The following KIFC3 variants were observed in gnomAD, a reference collection of about 807,000 sequenced individuals.
The protein encoded by KIFC3 is kinesin-like protein KIFC3.
In KIFC3, 60 loss-of-function variants were observed where a neutral mutation model predicts 101.8. That is an observed-to-expected ratio of 0.59 (90% CI 0.48 to 0.73). The LOEUF (loss-of-function observed/expected upper bound fraction) is 0.73. KIFC3 is among the 30% of genes least tolerant of loss of function. The pLI is 0.00. For synonymous variants in KIFC3, 476 were observed against 482.7 expected (o/e 0.99, Z 0.18); for missense variants, 966 against 1,137.1 (o/e 0.85, Z 2.16).
At chr16:57,759,380 GGGAGGGGGCTGCAGGGGCTGCTCT>G (rs1371623807) in intron 18 of KIFC3, 5 of 608,972 alleles carry the variant, frequency 8.2e-6, no homozygotes, top group Admixed American at 3.0e-5. Flanking sequence ...CTGAGGCACA[GGGAGGGGGCTGCAGGGGCTGCTCT>G]GGAGGGGGCT....
At position 57,758,735 on chromosome 16, in the gene KIFC3, C is replaced by A; in HGVS notation, c.*199G>T. ...CACTCAGAGCCACAGCCGAGAGACA[C>A]CGTTTCCTTCTGAACATGTTTCTCA... On this transcript the variant is annotated 3_prime_UTR_variant, in exon 20 of 20. Coordinates refer to ENST00000445690, the MANE Select transcript of KIFC3 (RefSeq NM_001130100.2). The A allele has an allele frequency of 1.1e-6, 1 of 891,612 alleles. No individual in the cohort carries two copies. The highest frequency in any genetic ancestry group is 1.3e-5 in the South Asian group (1 of 74,144). 55.2% of individuals were successfully genotyped at this position (891,612 alleles called of 1,614,324 possible). A position where few individuals can be genotyped will look rare whatever the true frequency, so the allele number is the denominator to read the frequency against.
intron 3 of KIFC3, among the ~76,000 whole-genome samples, chr16:57,794,268 T>C (rs868908644): frequency 3.3e-5 from 5 of 151,930 alleles, no homozygotes; most frequent in Middle Eastern, 6.8e-3. Flanking sequence ...GGTCTCACTC[T>C]GTCACGCAGG....
intron 3 of KIFC3, among the ~76,000 whole-genome samples, chr16:57,781,371 C>G (rs1404626468): frequency 6.6e-6 from 1 of 152,198 alleles, no homozygotes; most frequent in East Asian, 1.9e-4. Context: ...TTGGGAACTT[C>G]AGGAACCTTG....
intron 1 of KIFC3, among the ~76,000 whole-genome samples, chr16:57,843,967 GC>G (rs1443328409): frequency 6.6e-6 from 1 of 151,962 alleles, no homozygotes; most frequent in African/African-American, 2.4e-5. Flanking sequence ...AATTAGTTGG[GC>G]ATGGTGGTGC....
intron 1 of KIFC3, among the ~76,000 whole-genome samples, chr16:57,823,655 C>T (rs2911348): frequency 0.5 from 75,908 of 151,920 alleles, 20,299 homozygotes; most frequent in African/African-American, 0.68. Context: ...TGCAGTGGTG[C>T]GGTCTTGGCT....
At chr16:57,823,761 TTGTGTGTGTGTG>T (rs542476459) in intron 1 of KIFC3, among the ~76,000 whole-genome samples, 10,041 of 136,686 alleles carry the variant, frequency 0.073, 528 homozygotes, top group South Asian at 0.13. Context: ...CCCGGCTACT[TTGTGTGTGTGTG>T]TGTGTGTGTG....
intron 3 of KIFC3, chr16:57,788,644 G>A: frequency 7.8e-7 from 1 of 1,289,630 alleles, no homozygotes; most frequent in Non-Finnish European, 1.0e-6. Flanking sequence ...GCCGGCGCCT[G>A]TCTCTTCCAA....
chr16:57,780,129 T>C lies in KIFC3; in HGVS notation c.316-7841A>G, dbSNP rs546395199. 5.3e-5 allele frequency among the ~76,000 whole-genome samples: 8 copies of C among 152,280 alleles called. No homozygotes were observed. The South Asian group carries it at 1.7e-3, about 32-fold the overall frequency. On this transcript the variant is annotated intron_variant, in intron 3 of 19. Coordinates refer to ENST00000445690, the MANE Select transcript of KIFC3 (RefSeq NM_001130100.2). Reference sequence around the variant, plus strand: ...TGGGGATTACAATTCGAGATGAAATTTGGGTGGGGACACAGAGCCAAACTG... The same window carrying C: ...TGGGGATTACAATTCGAGATGAAATCTGGGTGGGGACACAGAGCCAAACTG...
chr16:57,800,941 G>C (rs1431185199), intron 1 of KIFC3, among the ~76,000 whole-genome samples: 2 of 152,146 alleles, frequency 1.3e-5, no homozygotes, highest in Non-Finnish European at 2.9e-5. Context: ...CTGTTTACTA[G>C]ATGTCTGACC....
In KIFC3 at chr16:57,836,716, G is replaced by A. The variant is rs148830287; in HGVS notation, c.108+26013C>T. Among the ~76,000 whole-genome samples the A allele has an allele frequency of 7.2e-5, 11 of 152,106 alleles. No homozygotes were observed. The East Asian group carries it at 2.1e-3, about 30-fold the overall frequency. ...TTTTTGTTCTTATTTTTTTGAGACA[G>A]GGTCTTGCTCTGTTGCGCAGGCTGG... On this transcript the variant is annotated intron_variant, in intron 1 of 2. Transcript: ENST00000563028.
At chr16:57,803,348 T>G, upstream of KIFC3, 2 of 646,454 alleles carry the variant, frequency 3.1e-6, no homozygotes, top group East Asian at 6.2e-5. Flanking sequence ...CAGCATTTTA[T>G]TCCAGAGCCA....
intron 1 of KIFC3, among the ~76,000 whole-genome samples, chr16:57,860,438 A>G (rs1365154178): frequency 6.6e-6 from 1 of 152,102 alleles, no homozygotes; most frequent in Non-Finnish European, 1.5e-5. Context: ...GGGCAACAGG[A>G]GTGAAACTCT....
intron 3 of KIFC3, among the ~76,000 whole-genome samples, chr16:57,784,463 C>T (rs1424716348): frequency 3.9e-5 from 6 of 152,228 alleles, no homozygotes; most frequent in African/African-American, 4.8e-5. Context: ...ATTTCAAAAA[C>T]GCGCACAATA....
intron 1 of KIFC3, among the ~76,000 whole-genome samples, chr16:57,833,083 G>A (rs1001925975): frequency 2.0e-5 from 3 of 151,960 alleles, no homozygotes; most frequent in Non-Finnish European, 2.9e-5. Context: ...GCAGGTGCCT[G>A]TAATCCCAGC....
intron 19 of KIFC3, 44 bp downstream of exon 19, chr16:57,759,081 G>A (rs117994346): frequency 0.032 from 50,196 of 1,547,360 alleles, 954 homozygotes; most frequent in Non-Finnish European, 0.038. Context: ...AACCCACTGC[G>A]GGCAGGCAGG....
chr16:57,762,047 T>G, intron 13 of KIFC3, 93 bp downstream of exon 13: 1 of 1,445,150 alleles, frequency 6.9e-7, no homozygotes, highest in Non-Finnish European at 9.2e-7. Flanking sequence ...CCCCACATAC[T>G]GGGGGTCCCA....
chr16:57,829,955 G>A (rs1047927760), intron 1 of KIFC3, among the ~76,000 whole-genome samples: 11 of 152,202 alleles, frequency 7.2e-5, no homozygotes, highest in Non-Finnish European at 1.2e-4. Flanking sequence ...AAGGCAAGCC[G>A]GGAAACATGC....
At chr16:57,818,195 C>A (rs1161869002) in intron 1 of KIFC3, among the ~76,000 whole-genome samples, 3 of 152,138 alleles carry the variant, frequency 2.0e-5, no homozygotes, top group Non-Finnish European at 4.4e-5. Flanking sequence ...GGTCTGCCTG[C>A]CTTAGCTTCC....
In KIFC3 at chr16:57,816,244, T is replaced by C. The variant is rs567672745; in HGVS notation, c.109-17962A>G. The C allele has an allele frequency of 2.2e-5, 29 of 1,289,312 alleles. 1 individual carries two copies. Among genetic ancestry groups the C allele is most frequent in the Middle Eastern group, 2.1e-4 (1 of 4,694 alleles). The allele number at this position is 1,289,312 out of a possible 1,614,324, so 79.9% of individuals were successfully genotyped here. On this transcript the variant is annotated intron_variant, in intron 1 of 2. Transcript: ENST00000563028. ...GGTGAGAAAACCGAGGCCCGGAAAG[T>C]GTCAACCCAAATCACGACACTCCTT...
Sources: gnomAD v4.1 joint callset for allele counts (sites outside exome capture counted in the v4.1 genomes callset) on GRCh38, gnomAD v4.1.1 for gene constraint, MANE v1.5 for transcripts, NCBI Gene and HGNC (gene_info 2026-07-23, HGNC 2026-07-21) for gene names.